MEX3D: variants seen among roughly 807,000 people sequenced by gnomAD.
MEX3D encodes the protein RNA-binding protein MEX3D.
MEX3D carries 4 observed loss-of-function variants against 6.3 expected under a neutral mutation model. That is an observed-to-expected ratio of 0.64 (90% CI 0.31 to 1.46). The LOEUF (loss-of-function observed/expected upper bound fraction) is 1.46. Among genes scored for constraint, MEX3D ranks in the 40% most tolerant of loss-of-function variants. The probability of loss-of-function intolerance (pLI) is 0.07; values close to 1 mark genes in which losing one functional copy is unlikely to be tolerated. For missense variants in MEX3D, 1,038 were observed against 994.4 expected (o/e 1.04, Z -0.59); for synonymous variants, 626 against 494.1 (o/e 1.27, Z -3.54).
intron 1 of MEX3D, among the ~76,000 whole-genome samples, chr19:1,557,752 G>C (rs1366035994): frequency 1.3e-5 from 2 of 150,150 alleles, no homozygotes; most frequent in Non-Finnish European, 3.0e-5. Context: ...CCAGGTACTC[G>C]GGAGGCTGAG....
Position 1,555,872 on chromosome 19 carries a change from G to C in MEX3D, c.1647C>G (p.Pro549=). 3.8e-6 allele frequency: 5 copies of C among 1,309,218 alleles called. No homozygotes were observed. The highest frequency in any genetic ancestry group is 4.8e-6 in the Non-Finnish European group (5 of 1,032,516). The allele number at this position is 1,309,218 out of a possible 1,614,324, so 81.1% of individuals were successfully genotyped here. A position where few individuals can be genotyped will look rare whatever the true frequency, so the allele number is the denominator to read the frequency against. The stretch of plus-strand genomic sequence containing the variant: ...AGGCGGCGCCGCCTGGGAAGGATAC[G>C]GGGCCCTGCGGGGGTCGCCAGGACA... The part of the protein sequence containing the change: ...GALSWRPPQG[P]VSFPGGAAFS... Residue 549 remains proline, a synonymous_variant, in exon 2 of 2, where the codon CCC becomes CCG. Transcript: ENST00000402693.
rs1269390602 is a variant in MEX3D, at chr19:1,568,076, G to C, written c.-18C>G. 1.0e-6 allele frequency: 1 copy of C among 978,370 alleles called. No individual in the cohort carries two copies. The allele number at this position is 978,370 out of a possible 1,614,324, so 60.6% of individuals were successfully genotyped here. On this transcript the variant is annotated 5_prime_UTR_variant, in exon 1 of 2. Coordinates refer to ENST00000402693, the MANE Select transcript of MEX3D (RefSeq NM_203304.4). The stretch of plus-strand genomic sequence containing the variant: ...CTGGGCATGGCGGGAGCTAGCGCTG[G>C]GGCCCGCGCTCCTGCCGCCCGCGCC...
chr19:1,556,741 G>T lies in MEX3D; in HGVS notation c.778C>A (p.Leu260Met). ...IRATRSKAGG[L>M]PGAAQGPPNL... ...GGCGGGCCCTGGGCGGCGCCGGGCA[G>T]ACCCCCGGCCTTGCTGCGCGTGGCG... is the stretch of plus-strand genomic sequence containing the variant. Residue 260 changes from leucine to methionine, a missense_variant, in exon 2 of 2, where the codon CTG (leucine) becomes ATG (methionine). By Grantham distance (15) the Leu-to-Met change is conservative. Coordinates refer to ENST00000402693, the MANE Select transcript of MEX3D (RefSeq NM_203304.4). The surrounding 1 kb of genome is among the most constrained non-coding windows in gnomAD (Gnocchi z 7.5). The T allele has an allele frequency of 6.2e-7, 1 of 1,611,968 alleles. No individual in the cohort carries two copies. Among genetic ancestry groups the T allele is most frequent in the Non-Finnish European group, 8.5e-7 (1 of 1,179,504 alleles).
In MEX3D at chr19:1,556,355, G is replaced by A. The variant is rs1209451148; in HGVS notation, c.1164C>T (p.Ala388=). ...NQGRRPPTAT[A]GLRGDTALGA... is the part of the protein sequence containing the mutation. ...CCAGGGCCGTGTCCCCGCGGAGGCC[G>A]GCCGTGGCCGTGGGGGGCCGTCGTC... The change falls in exon 2 of 2, where the codon GCC becomes GCT. Residue 388 remains alanine (A), a synonymous_variant. Transcript: ENST00000402693. This position sits in a 1 kb window ranked among gnomAD's most constrained non-coding sequence, Gnocchi z 7.5. The A allele has an allele frequency of 1.4e-6, 2 of 1,447,470 alleles. No homozygotes were observed. Among genetic ancestry groups the A allele is most frequent in the Non-Finnish European group, 1.8e-6 (2 of 1,110,508 alleles). The allele number at this position is 1,447,470 out of a possible 1,614,324, so 89.7% of individuals were successfully genotyped here. A position where few individuals can be genotyped will look rare whatever the true frequency, so the allele number is the denominator to read the frequency against.
intron 1 of MEX3D, among the ~76,000 whole-genome samples, chr19:1,565,688 G>A (rs564052869): frequency 3.3e-5 from 5 of 152,242 alleles, no homozygotes; most frequent in South Asian, 2.1e-4. Context: ...CTCTACCCCC[G>A]ACCCCCACTG....
chr19:1,562,802 G>A (rs1914752370), intron 1 of MEX3D, among the ~76,000 whole-genome samples: 1 of 152,024 alleles, frequency 6.6e-6, no homozygotes, highest in Non-Finnish European at 1.5e-5. Flanking sequence ...ATGACCTGAG[G>A]TCAGGAGTTC....
In MEX3D at chr19:1,555,753, G is replaced by T; in HGVS notation, c.1766C>A (p.Ser589Ter). 2.0e-6 allele frequency: 3 copies of T among 1,505,588 alleles called. No individual in the cohort carries two copies. The South Asian group carries it at 3.7e-5, about 19-fold the overall frequency. 93.3% of individuals were successfully genotyped at this position (1,505,588 alleles called of 1,614,324 possible). Residue 589 changes from serine to a stop codon, truncating the protein, a stop_gained, in exon 2 of 2, where the codon TCG (serine) becomes TAG (stop). Transcript: ENST00000402693. LOFTEE classifies it low-confidence loss of function (END_TRUNC). The part of the protein sequence containing the change: ...GASENSRKPP[S>*]ASSAPALARE... ...CGCCAGGGCCGGGGCCGAGGACGCC[G>T]AAGGGGGCTTGCGGCTGTTCTCGGA... is the stretch of plus-strand genomic sequence containing the variant.
rs1469395134 is a variant in MEX3D at position 1,555,791 on chromosome 19, C to T, written c.1728G>A (p.Leu576=). Residue 576 remains leucine (L), a synonymous_variant, in exon 2 of 2, where the codon CTG becomes CTA. Coordinates refer to ENST00000402693, the MANE Select transcript of MEX3D (RefSeq NM_203304.4). Reference sequence around the variant, plus strand: ...GGCTGTTCTCGGAGGCGCCGGAGTCCAGGGGGGCGCAGGCGGCGGCCGCGG... The same window carrying T: ...GGCTGTTCTCGGAGGCGCCGGAGTCTAGGGGGGCGCAGGCGGCGGCCGCGG... ...SSPAAAACAP[L]DSGASENSRK... The T allele has an allele frequency of 7.1e-7, 1 of 1,405,194 alleles. No individual in the cohort carries two copies. The highest frequency in any genetic ancestry group is 1.5e-5 in the African/African-American group (1 of 65,466). 87.0% of individuals were successfully genotyped at this position (1,405,194 alleles called of 1,614,324 possible). A position where few individuals can be genotyped will look rare whatever the true frequency, so the allele number is the denominator to read the frequency against.
chr19:1,567,366 C>A lies in MEX3D; in HGVS notation c.595+98G>T, dbSNP rs1165538623. 4.6e-6 allele frequency: 6 copies of A among 1,305,254 alleles called. No individual in the cohort carries two copies. The highest frequency in any genetic ancestry group is 5.9e-6 in the Non-Finnish European group (6 of 1,012,524). 80.9% of individuals were successfully genotyped at this position (1,305,254 alleles called of 1,614,324 possible). A position where few individuals can be genotyped will look rare whatever the true frequency, so the allele number is the denominator to read the frequency against. ...CACGCGGGGCGTGTCCGGTGCGGGG[C>A]GTCCGGCGCGGGCTGGGCTGGGCTC... On this transcript the variant is annotated intron_variant, in intron 1 of 1. Coordinates refer to ENST00000402693, the MANE Select transcript of MEX3D (RefSeq NM_203304.4). The surrounding 1 kb of genome is among the most constrained non-coding windows in gnomAD (Gnocchi z 6.5).
chr19:1,560,859 C>A (rs1056581218), intron 1 of MEX3D, among the ~76,000 whole-genome samples: 1 of 152,212 alleles, frequency 6.6e-6, no homozygotes, highest in Non-Finnish European at 1.5e-5. Context: ...CACATCAAGA[C>A]GCCAAGGGGC....
rs1914463840 is a variant in MEX3D at position 1,554,804 on chromosome 19, C to G, written c.*759G>C. On this transcript the variant is annotated 3_prime_UTR_variant, in exon 2 of 2. Transcript: ENST00000402693. ...AATTTAGCTGTGTAAGATTAAAGGT[C>G]CATTACTTTATTTAAAATAAAATAT... 6.6e-6 allele frequency: 1 copy of G among 152,012 alleles called. No individual in the cohort carries two copies. The highest frequency in any genetic ancestry group is 1.5e-5 in the Non-Finnish European group (1 of 68,000). The allele number at this position is 152,012 out of a possible 1,614,324, so 9.4% of individuals were successfully genotyped here.
chr19:1,560,593 G>C (rs947260538), intron 1 of MEX3D, among the ~76,000 whole-genome samples: 2 of 152,210 alleles, frequency 1.3e-5, no homozygotes, highest in Non-Finnish European at 2.9e-5. Flanking sequence ...AAATTTGGGA[G>C]ATGGAGGTGG....
chr19:1,555,182 G>A lies in MEX3D; in HGVS notation c.*381C>T, dbSNP rs1914480557. ...GTCAAATCAGAAAACGGCTTCGGAC[G>A]AAAGGAAAAAACGCTGAGCGCTGGA... On this transcript the variant is annotated 3_prime_UTR_variant, in exon 2 of 2. Transcript: ENST00000402693. The A allele has an allele frequency of 7.8e-6, 6 of 765,428 alleles. No homozygotes were observed. The highest frequency in any genetic ancestry group is 1.1e-5 in the Non-Finnish European group (6 of 546,146). 47.4% of individuals were successfully genotyped at this position (765,428 alleles called of 1,614,324 possible).
intron 1 of MEX3D, among the ~76,000 whole-genome samples, chr19:1,559,290 C>T (rs1464899363): frequency 6.6e-6 from 1 of 152,132 alleles, no homozygotes; most frequent in Non-Finnish European, 1.5e-5. Flanking sequence ...CACCACCACA[C>T]CCAGCTAATT....
chr19:1,565,751 T>C (rs1447487778), intron 1 of MEX3D, among the ~76,000 whole-genome samples: 1 of 152,088 alleles, frequency 6.6e-6, no homozygotes, highest in African/African-American at 2.4e-5. Flanking sequence ...AGTAAGTGGG[T>C]GCAGAACGCA....
intron 1 of MEX3D, among the ~76,000 whole-genome samples, chr19:1,562,996 C>T (rs907449364): frequency 1.3e-5 from 2 of 151,990 alleles, no homozygotes; most frequent in African/African-American, 4.8e-5. Flanking sequence ...CCAGCCTGGG[C>T]GACAAGAGCA....
At position 1,555,919 on chromosome 19, in the gene MEX3D, C is replaced by T; in HGVS notation, c.1600G>A (p.Ala534Thr). The change falls in exon 2 of 2, where the codon GCC (alanine) becomes ACC (threonine). Residue 534 changes from alanine (A) to threonine (T), a missense_variant. By Grantham distance (58) the Ala-to-Thr change is moderately conservative (BLOSUM62 0). Coordinates refer to ENST00000402693, the MANE Select transcript of MEX3D (RefSeq NM_203304.4). ...GACAGCGCGCCCACCGGGTCCGGGGCGCCACGGCGAGACAGCGGGAGCTCC... is the reference window on the plus strand; with the variant it reads ...GACAGCGCGCCCACCGGGTCCGGGGTGCCACGGCGAGACAGCGGGAGCTCC... ...RLELPLSRRGAPDPVGALSWR... is the reference protein window; with the variant it reads ...RLELPLSRRGTPDPVGALSWR... 1.7e-6 allele frequency: 2 copies of T among 1,199,718 alleles called. No individual in the cohort carries two copies. The highest frequency in any genetic ancestry group is 1.0e-6 in the Non-Finnish European group (1 of 967,348). The allele number at this position is 1,199,718 out of a possible 1,614,324, so 74.3% of individuals were successfully genotyped here.
rs1365500435 is a variant in MEX3D, at chr19:1,555,732, A to AGGGCCG, written c.1781_1786dup (p.Pro594_Ala595dup). On this transcript the variant is annotated inframe_insertion, in exon 2 of 2. Transcript: ENST00000402693. ...GGCGCACACCACGCACTCTCGCGCC[A>AGGGCCG]GGGCCGGGGCCGAGGACGCCGAAGG... 2.0e-6 allele frequency: 3 copies of AGGGCCG among 1,526,408 alleles called. No homozygotes were observed. The highest frequency in any genetic ancestry group is 2.6e-6 in the Non-Finnish European group (3 of 1,143,328). 94.6% of individuals were successfully genotyped at this position (1,526,408 alleles called of 1,614,324 possible).
At chr19:1,558,788 C>T (rs1914646509) in intron 1 of MEX3D, among the ~76,000 whole-genome samples, 1 of 152,238 alleles carries the variant, frequency 6.6e-6, no homozygotes, top group African/African-American at 2.4e-5. Flanking sequence ...GCCTCCGAGG[C>T]ATCCAGGTGG....
Sources: gnomAD v4.1 joint callset for allele counts (sites outside exome capture counted in the v4.1 genomes callset) on GRCh38, gnomAD v4.1.1 for gene constraint, Gnocchi (gnomAD v3.1) non-coding constraint, MANE v1.5 for transcripts, NCBI Gene and HGNC (gene_info 2026-07-23, HGNC 2026-07-21) for gene names.